Variants in MEP1A observed in about 807,000 individuals in gnomAD.
MEP1A encodes the protein N-benzoyl-L-tyrosyl-P-amino-benzoic acid hydrolase subunit alpha.
Under a neutral mutation model 84.5 loss-of-function variants are expected in MEP1A, and 68 were observed. The ratio of observed to expected loss-of-function variants is 0.80; its 90% CI spans 0.66 to 0.98. The LOEUF (loss-of-function observed/expected upper bound fraction) is 0.98. MEP1A is among the 50% of genes least tolerant of loss of function. MEP1A has a pLI of 0.00. For synonymous variants in MEP1A, 337 were observed against 336.8 expected (o/e 1.00, Z -0.01); for missense variants, 887 against 919.9 (o/e 0.96, Z 0.46).
intron 7 of MEP1A, among the ~76,000 whole-genome samples, chr6:46,824,998 C>T (rs1318559384): frequency 2.8e-5 from 2 of 71,416 alleles, no homozygotes; most frequent in Admixed American, 1.5e-4. Context: ...TTAAATAGAT[C>T]TATTTAAGTA....
chr6:46,807,793 A>AAGAAAG (rs1175080154), intron 5 of MEP1A, among the ~76,000 whole-genome samples: 3 of 142,164 alleles, frequency 2.1e-5, no homozygotes, highest in Admixed American at 7.1e-5. Flanking sequence ...GAAAGAAAGA[A>AAGAAAG]AGAAAGAAAG....
At position 46,799,247 on chromosome 6, in the gene MEP1A, T is replaced by C; in HGVS notation, c.262+66T>C. The C allele has an allele frequency of 6.4e-6, 7 of 1,092,390 alleles. No individual in the cohort carries two copies. The South Asian group carries it at 7.6e-5, about 12-fold the overall frequency. The allele number at this position is 1,092,390 out of a possible 1,614,324, so 67.7% of individuals were successfully genotyped here. On this transcript the variant is annotated intron_variant, in intron 5 of 13. Coordinates refer to ENST00000230588, the MANE Select transcript of MEP1A (RefSeq NM_005588.3). ...TCTCTCTCTCCTCTCAGCCTGTCCA[T>C]GGGCTTCACATTGGGAGTAACCACC...
intron 13 of MEP1A, among the ~76,000 whole-genome samples, chr6:46,838,290 C>G (rs1768261411): frequency 6.6e-6 from 1 of 152,142 alleles, no homozygotes; most frequent in Non-Finnish European, 1.5e-5. Flanking sequence ...GGAATTGTTA[C>G]AAAGGTATGG....
At chr6:46,828,553 T>A (rs1047326167) in intron 9 of MEP1A, among the ~76,000 whole-genome samples, 1 of 152,212 alleles carries the variant, frequency 6.6e-6, no homozygotes, top group East Asian at 1.9e-4. Context: ...CATTTTGATA[T>A]GGAGTTGAGT....
intron 6 of MEP1A, among the ~76,000 whole-genome samples, chr6:46,811,054 T>C (rs1767487664): frequency 6.6e-6 from 1 of 152,072 alleles, no homozygotes; most frequent in Non-Finnish European, 1.5e-5. Context: ...AGATTGCTTT[T>C]GGCAATTGTG....
At chr6:46,838,936 G>A (rs1768275430) in intron 13 of MEP1A, 44 bp from the exon 14 acceptor site, 3 of 1,567,958 alleles carry the variant, frequency 1.9e-6, no homozygotes, top group Non-Finnish European at 1.7e-6. Flanking sequence ...AGGCACCTGA[G>A]GCCTGGGTAG....
chr6:46,828,942 C>A (rs914203085), intron 9 of MEP1A, among the ~76,000 whole-genome samples: 1 of 152,160 alleles, frequency 6.6e-6, no homozygotes, highest in African/African-American at 2.4e-5. Flanking sequence ...AATCCTAAAT[C>A]TTTGAATTCC....
At chr6:46,823,217 C>T (rs990521229) in intron 7 of MEP1A, among the ~76,000 whole-genome samples, 1 of 152,248 alleles carries the variant, frequency 6.6e-6, no homozygotes, top group Admixed American at 6.5e-5. Flanking sequence ...GAGACTCCCT[C>T]AGGCACCTGC....
intron 12 of MEP1A, 110 bp downstream of exon 12, chr6:46,834,861 G>C: frequency 1.3e-6 from 1 of 778,654 alleles, no homozygotes; most frequent in Non-Finnish European, 2.1e-6. Flanking sequence ...TTAAAACAAT[G>C]TGTTGTAGGA....
At position 46,807,791 on chromosome 6, in the gene MEP1A, GA is replaced by G. The variant is rs1562107021; in HGVS notation, c.263-1626del. ...GAAAGGAAAGAAAGAAAGAAAGAAA[GA>G]AAGAAAGAAAGAAAGAAAGAAAGAA... On this transcript the variant is annotated intron_variant, in intron 5 of 13. Coordinates refer to ENST00000230588, the MANE Select transcript of MEP1A (RefSeq NM_005588.3). 4.5e-3 allele frequency among the ~76,000 whole-genome samples: 603 copies of G among 134,554 alleles called. 6 individuals are homozygous for G. Among genetic ancestry groups the G allele is most frequent in the African/African-American group, 0.016 (573 of 36,846 alleles). 88.3% of individuals were successfully genotyped at this position (134,554 alleles called of 152,430 possible). A position where few individuals can be genotyped will look rare whatever the true frequency, so the allele number is the denominator to read the frequency against.
Position 46,839,670 on chromosome 6 carries a change from A to T in MEP1A, c.*534A>T, listed in dbSNP as rs1768299199. On this transcript the variant is annotated 3_prime_UTR_variant, in exon 14 of 14. Transcript: ENST00000230588. ...GTCATCACTCTTTTAAGATCTTGTT[A>T]AAGATTTCAAATAAAGGTACTTCTG... 6.6e-6 allele frequency: 1 copy of T among 152,216 alleles called. No individual in the cohort carries two copies. Among genetic ancestry groups the T allele is most frequent in the South Asian group, 2.1e-4 (1 of 4,834 alleles). 9.4% of individuals were successfully genotyped at this position (152,216 alleles called of 1,614,324 possible). A position where few individuals can be genotyped will look rare whatever the true frequency, so the allele number is the denominator to read the frequency against.
intron 5 of MEP1A, among the ~76,000 whole-genome samples, chr6:46,803,962 G>T (rs1233919825): frequency 2.0e-5 from 3 of 151,528 alleles, no homozygotes; most frequent in African/African-American, 7.3e-5. Flanking sequence ...CCTGCCCTTT[G>T]TACTTTATTG....
At chr6:46,816,658 G>A (rs1488295114) in intron 6 of MEP1A, among the ~76,000 whole-genome samples, 1 of 152,102 alleles carries the variant, frequency 6.6e-6, no homozygotes, top group Non-Finnish European at 1.5e-5. Flanking sequence ...CCTGAACCTG[G>A]TTACTTGGAG....
chr6:46,832,300 T>A (rs1463818024), intron 10 of MEP1A, among the ~76,000 whole-genome samples: 1 of 152,208 alleles, frequency 6.6e-6, no homozygotes, highest in Non-Finnish European at 1.5e-5. Context: ...CAGTTTCCTC[T>A]CTCCAGTACC....
chr6:46,799,304 A>G, intron 5 of MEP1A, 123 bp downstream of exon 5: 1 of 665,870 alleles, frequency 1.5e-6, no homozygotes, highest in South Asian at 1.8e-5. Flanking sequence ...GTCCTGATGC[A>G]TCTTTATCTA....
intron 3 of MEP1A, among the ~76,000 whole-genome samples, chr6:46,794,423 G>C (rs1478441770): frequency 1.3e-5 from 2 of 152,230 alleles, no homozygotes; most frequent in Non-Finnish European, 2.9e-5. Context: ...CGTGGAGTAA[G>C]TGCTGTTTTC....
chr6:46,813,061 A>G (rs1484064460), intron 6 of MEP1A, among the ~76,000 whole-genome samples: 1 of 151,982 alleles, frequency 6.6e-6, no homozygotes, highest in Non-Finnish European at 1.5e-5. Context: ...GCCGTCAGTG[A>G]GTATTAAAGT....
chr6:46,840,129 G>T (rs571173734), downstream of MEP1A, among the ~76,000 whole-genome samples: 1 of 152,222 alleles, frequency 6.6e-6, no homozygotes, highest in East Asian at 1.9e-4. Flanking sequence ...ATTCTGAGTG[G>T]TCCTTTAAGT....
downstream of MEP1A, among the ~76,000 whole-genome samples, chr6:46,840,635 T>C (rs991594669): frequency 6.6e-6 from 1 of 152,220 alleles, no homozygotes; most frequent in African/African-American, 2.4e-5. Flanking sequence ...ATTTAAGCTC[T>C]TGATCTTAGT....
Sources: allele counts gnomAD v4.1 joint callset (sites outside exome capture counted in the v4.1 genomes callset), GRCh38; gene constraint gnomAD v4.1.1; transcripts MANE v1.5; gene names NCBI Gene and HGNC (gene_info 2026-07-23, HGNC 2026-07-21).